CRIM1: variants seen among roughly 807,000 people sequenced by gnomAD.
The protein encoded by CRIM1 is cysteine-rich motor neuron 1 protein.
Under a neutral mutation model 116.4 loss-of-function variants are expected in CRIM1, and 32 were observed. The observed-to-expected ratio is 0.27, with a 90% CI of 0.21 to 0.37. The LOEUF (loss-of-function observed/expected upper bound fraction) is 0.37, where lower values mean the gene tolerates loss of function less well. CRIM1 is among the 10% of genes least tolerant of loss of function. The probability of loss-of-function intolerance (pLI) is 1.00; values close to 1 mark genes in which losing one functional copy is unlikely to be tolerated. For synonymous variants in CRIM1, 590 were observed against 509.2 expected (o/e 1.16, Z -2.13); for missense variants, 1,331 against 1,354.8 (o/e 0.98, Z 0.28).
At chr2:36,546,907 C>CTA in intron 15 of CRIM1, 77 bp from the exon 16 acceptor site, 1 of 829,502 alleles carries the variant, frequency 1.2e-6, no homozygotes, top group Non-Finnish European at 1.9e-6. Context: ...TTGCTGATCT[C>CTA]TATTTGCAAT....
At chr2:36,527,588 A>G (rs1665840268) in intron 13 of CRIM1, among the ~76,000 whole-genome samples, 1 of 152,192 alleles carries the variant, frequency 6.6e-6, no homozygotes, top group African/African-American at 2.4e-5. Context: ...TCTATACCTT[A>G]TATCAAGTCA....
intron 5 of CRIM1, among the ~76,000 whole-genome samples, chr2:36,468,874 A>G (rs573479238): frequency 6.6e-6 from 1 of 152,232 alleles, no homozygotes; most frequent in Non-Finnish European, 1.5e-5. Flanking sequence ...TGTCCAACGT[A>G]TATACACAAA....
intron 1 of CRIM1, among the ~76,000 whole-genome samples, chr2:36,392,988 C>G (rs149016494): frequency 6.6e-6 from 1 of 152,278 alleles, no homozygotes; most frequent in South Asian, 2.1e-4. Context: ...GAAACTTCTG[C>G]TGAGAAAGCA....
At chr2:36,503,578 T>C (rs1254565558) in intron 8 of CRIM1, among the ~76,000 whole-genome samples, 1 of 151,814 alleles carries the variant, frequency 6.6e-6, no homozygotes, top group East Asian at 1.9e-4. Flanking sequence ...CTCCAGTTCT[T>C]CCTGCCCTCT....
At chr2:36,383,591 G>A (rs1204511631) in intron 1 of CRIM1, among the ~76,000 whole-genome samples, 1 of 152,192 alleles carries the variant, frequency 6.6e-6, no homozygotes, top group African/African-American at 2.4e-5. Context: ...GGCCTGCTGT[G>A]TGTTCAGCAC....
intron 8 of CRIM1, among the ~76,000 whole-genome samples, chr2:36,504,410 AG>A (rs1402166622): frequency 1.3e-5 from 2 of 152,236 alleles, no homozygotes; most frequent in Non-Finnish European, 2.9e-5. Context: ...TATTTTAGGC[AG>A]TCACATTAGG....
chr2:36,433,300 A>G (rs1248160452), intron 2 of CRIM1, among the ~76,000 whole-genome samples: 1 of 152,230 alleles, frequency 6.6e-6, no homozygotes, highest in African/African-American at 2.4e-5. Flanking sequence ...TCTCTAATCT[A>G]AAGCATCATT....
rs762254834 is a variant in CRIM1 at position 36,397,538 on chromosome 2, C to T, written c.505+751C>T. On this transcript the variant is annotated intron_variant, in intron 2 of 16. Coordinates refer to ENST00000280527, the MANE Select transcript of CRIM1 (RefSeq NM_016441.3). ...CATTAAACTCTCGTAGCCCCAGTTT[C>T]TTCTTGAGGGAAAAAAGTACTGAAA... Among the ~76,000 whole-genome samples the T allele has an allele frequency of 4.6e-5, 7 of 152,174 alleles. No homozygotes were observed. In the East Asian group the frequency reaches 7.8e-4, roughly 17 times the overall value.
At chr2:36,425,395 A>G (rs1443462980) in intron 2 of CRIM1, among the ~76,000 whole-genome samples, 1 of 152,242 alleles carries the variant, frequency 6.6e-6, no homozygotes, top group Non-Finnish European at 1.5e-5. Context: ...CACTAGGAGT[A>G]CTGGTACAGG....
chr2:36,521,040 C>G (rs1558396528), intron 12 of CRIM1, among the ~76,000 whole-genome samples: 2 of 152,218 alleles, frequency 1.3e-5, no homozygotes, highest in Non-Finnish European at 2.9e-5. Context: ...GAAGTGCTCT[C>G]TTATCAGTTG....
chr2:36,380,594 A>G (rs1257712469), intron 1 of CRIM1, among the ~76,000 whole-genome samples: 1 of 152,240 alleles, frequency 6.6e-6, no homozygotes, highest in African/African-American at 2.4e-5. Context: ...CAAAAGAAGG[A>G]CATAAAGAAA....
rs996550605 is a variant in CRIM1 at position 36,474,805 on chromosome 2, G to A, written c.992-2084G>A. On this transcript the variant is annotated intron_variant, in intron 5 of 16. Coordinates refer to ENST00000280527, the MANE Select transcript of CRIM1 (RefSeq NM_016441.3). ...AAAGGTTGCAGTGAGCTCAGATGAC[G>A]CCACTCCACTCCAGCCTGGGTGACA... is the stretch of plus-strand genomic sequence containing the variant. Among the ~76,000 whole-genome samples, 12 of 128,866 alleles carry A rather than the reference G, an allele frequency of 9.3e-5. No individual in the cohort carries two copies. The East Asian group carries it at 2.2e-3, about 24-fold the overall frequency. The allele number at this position is 128,866 out of a possible 152,430, so 84.5% of individuals were successfully genotyped here.
At chr2:36,511,583 A>G (rs959164436) in intron 9 of CRIM1, among the ~76,000 whole-genome samples, 3 of 152,140 alleles carry the variant, frequency 2.0e-5, no homozygotes, top group Admixed American at 6.5e-5. Context: ...TTCAAATCCA[A>G]CCGTCATGTT....
chr2:36,509,388 G>A (rs758252600), intron 8 of CRIM1, among the ~76,000 whole-genome samples: 7 of 152,118 alleles, frequency 4.6e-5, no homozygotes, highest in South Asian at 2.1e-4. Flanking sequence ...TTAGCTGGGC[G>A]TGGTGGTGCA....
chr2:36,469,119 C>T (rs1678284957), intron 5 of CRIM1, among the ~76,000 whole-genome samples: 1 of 152,048 alleles, frequency 6.6e-6, no homozygotes, highest in South Asian at 2.1e-4. Flanking sequence ...TGAGGCTAGC[C>T]CCCATTCACA....
Position 36,441,383 on chromosome 2 carries a change from G to A in CRIM1, c.631G>A (p.Val211Met), listed in dbSNP as rs573293635. ...GECCPLPSRC[V>M]CNPAGCLRKV... ...GTGCTGTCCCTTACCCAGCCGCTGC[G>A]TGTGCAACCCCGCAGGCTGTCTGCG... The change falls in exon 3 of 17, where the codon GTG (valine) becomes ATG (methionine). Residue 211 changes from valine to methionine, a missense_variant. Transcript: ENST00000280527. The A allele has an allele frequency of 2.9e-5, 47 of 1,614,190 alleles. No homozygotes were observed. The highest frequency in any genetic ancestry group is 1.3e-4 in the South Asian group (12 of 91,088).
intron 5 of CRIM1, among the ~76,000 whole-genome samples, chr2:36,468,724 A>G (rs1444180482): frequency 6.6e-6 from 1 of 152,170 alleles, no homozygotes; most frequent in African/African-American, 2.4e-5. Flanking sequence ...CTACTGTTAG[A>G]TGGGTGGATG....
At chr2:36,444,877 G>C (rs759275996) in intron 4 of CRIM1, among the ~76,000 whole-genome samples, 1 of 152,134 alleles carries the variant, frequency 6.6e-6, no homozygotes, top group African/African-American at 2.4e-5. Context: ...TGCATTTCCT[G>C]CTCTTTGAAG....
chr2:36,404,070 G>A (rs1025231128), intron 2 of CRIM1, among the ~76,000 whole-genome samples: 2 of 152,142 alleles, frequency 1.3e-5, no homozygotes, highest in Non-Finnish European at 2.9e-5. Flanking sequence ...CACACCAAGA[G>A]TGATACCAAG....
Sources: gnomAD v4.1 joint callset for allele counts (sites outside exome capture counted in the v4.1 genomes callset) on GRCh38, gnomAD v4.1.1 for gene constraint, MANE v1.5 for transcripts, NCBI Gene and HGNC (gene_info 2026-07-23, HGNC 2026-07-21) for gene names.